Variants in MYH9 observed in about 807,000 individuals in gnomAD.
The protein encoded by MYH9 is myosin-9.
In MYH9, 29 loss-of-function variants were observed where a neutral mutation model predicts 241.9. That is an observed-to-expected ratio of 0.12 (90% CI 0.09 to 0.16). MYH9 has a LOEUF of 0.16. MYH9 is among the 10% of genes least tolerant of loss of function. The probability of loss-of-function intolerance (pLI) is 1.00; values close to 1 mark genes in which losing one functional copy is unlikely to be tolerated. For synonymous variants in MYH9, 1,047 were observed against 1,062.6 expected (o/e 0.99, Z 0.29); for missense variants, 1,803 against 2,595.5 (o/e 0.69, Z 6.63).
chr22:36,288,642 A>C lies in MYH9; in HGVS notation c.4770+85T>G. The C allele has an allele frequency of 2.0e-6, 3 of 1,530,274 alleles. No individual in the cohort carries two copies. In the South Asian group the frequency reaches 3.4e-5, roughly 17 times the overall value. The allele number at this position is 1,530,274 out of a possible 1,614,324, so 94.8% of individuals were successfully genotyped here. A position where few individuals can be genotyped will look rare whatever the true frequency, so the allele number is the denominator to read the frequency against. ...AGGCGTGGTCAAGGGGCCCTAACACAATCCAGGTGGAAGGAGAGAACAGAA... is the reference window on the plus strand; with the variant it reads ...AGGCGTGGTCAAGGGGCCCTAACACCATCCAGGTGGAAGGAGAGAACAGAA... On this transcript the variant is annotated intron_variant, in intron 33 of 40. Coordinates refer to ENST00000216181, the MANE Select transcript of MYH9 (RefSeq NM_002473.6). The surrounding 1 kb of genome is among the most constrained non-coding windows in gnomAD (Gnocchi z 4.8).
At chr22:36,316,790 G>A (rs1249891907) in intron 11 of MYH9, 121 bp from the exon 12 acceptor site, 1 of 1,133,236 alleles carries the variant, frequency 8.8e-7, no homozygotes. Flanking sequence ...CTAAGTATGT[G>A]GGGGAAAAAA....
At chr22:36,294,851 C>T in intron 27 of MYH9, 81 bp downstream of exon 27, 1 of 1,584,510 alleles carries the variant, frequency 6.3e-7, no homozygotes, top group South Asian at 1.1e-5. Context: ...CCTGCAACTG[C>T]TCTGCAGGAC....
Position 36,318,431 on chromosome 22 carries a change from A to G in MYH9, c.1109-106T>C, listed in dbSNP as rs1723707471. 8.4e-6 allele frequency: 8 copies of G among 952,798 alleles called. No homozygotes were observed. In the South Asian group the frequency reaches 9.1e-5, roughly 11 times the overall value. 59.0% of individuals were successfully genotyped at this position (952,798 alleles called of 1,614,324 possible). On this transcript the variant is annotated intron_variant, in intron 10 of 40. Coordinates refer to ENST00000216181, the MANE Select transcript of MYH9 (RefSeq NM_002473.6). ...AATAAGTCCCTCTGCTTGACTTGGG[A>G]GCAGAGAGGAAGAAAGCCACGGGGT...
chr22:36,348,835 A>AGGGGGGGGGGGGGGGGGGGGG, intron 2 of MYH9, 69 bp downstream of exon 2: 2 of 869,006 alleles, frequency 2.3e-6, no homozygotes, highest in Admixed American at 2.5e-5. Context: ...GGTGATGGGA[A>AGGGGGGGGGGGGGGGGGGGGG]GACCCGCCCC....
chr22:36,332,036 G>A (rs1434743021), intron 3 of MYH9, among the ~76,000 whole-genome samples: 3 of 152,164 alleles, frequency 2.0e-5, no homozygotes, highest in African/African-American at 2.4e-5. Flanking sequence ...CCTGCCCTGC[G>A]TTGCCAGGAT....
intron 4 of MYH9, 149 bp from the exon 5 acceptor site, chr22:36,326,810 C>T (rs1222327832): frequency 1.5e-5 from 11 of 727,536 alleles, no homozygotes; most frequent in South Asian, 7.3e-5. Flanking sequence ...GCCACATAAA[C>T]GCTCTGGAAT....
At chr22:36,314,114 G>A in intron 13 of MYH9, 31 bp downstream of exon 13, 1 of 1,606,574 alleles carries the variant, frequency 6.2e-7, no homozygotes, top group African/African-American at 1.3e-5. Flanking sequence ...GCCAGAGGCA[G>A]GTGTGAGGTC....
chr22:36,331,992 G>T (rs970551497), intron 3 of MYH9, among the ~76,000 whole-genome samples: 1 of 152,232 alleles, frequency 6.6e-6, no homozygotes, highest in African/African-American at 2.4e-5. Context: ...TGGCCCCTGG[G>T]GGGTGGCTTG....
At chr22:36,328,292 G>T (rs183232890) in intron 3 of MYH9, among the ~76,000 whole-genome samples, 1 of 152,350 alleles carries the variant, frequency 6.6e-6, no homozygotes, top group East Asian at 1.9e-4. Context: ...CCCTCCCCCA[G>T]TACAGGAGGG....
rs148258578 is a variant in MYH9, at chr22:36,294,257, G to T, written c.3672C>A (p.Asn1224Lys). 1.2e-6 allele frequency: 2 copies of T among 1,614,070 alleles called. No homozygotes were observed. The highest frequency in any genetic ancestry group is 1.7e-5 in the Admixed American group (1 of 60,034). ...NLEKAKQTLENERGELANEVK... is the reference protein window; with the variant it reads ...NLEKAKQTLEKERGELANEVK... Reference sequence around the variant, plus strand: ...CCTCGTTGGCCAGCTCCCCCCGCTCGTTCTCCAGAGTCTGCTTTGCCTTCT... The same window carrying T: ...CCTCGTTGGCCAGCTCCCCCCGCTCTTTCTCCAGAGTCTGCTTTGCCTTCT... The change falls in exon 28 of 41, where the codon AAC (asparagine) becomes AAA (lysine). Residue 1224 changes from asparagine to lysine, a missense_variant. Around this residue, in one of 11 missense-constraint regions of MYH9, gnomAD observed 876 missense variants for 1,077.8 expected, o/e 0.81. Coordinates refer to ENST00000216181, the MANE Select transcript of MYH9 (RefSeq NM_002473.6).
At chr22:36,311,001 G>C (rs907376111) in intron 14 of MYH9, among the ~76,000 whole-genome samples, 6 of 152,152 alleles carry the variant, frequency 3.9e-5, no homozygotes, top group Non-Finnish European at 8.8e-5. Flanking sequence ...AATAGAAGAG[G>C]CCGGCACAGG....
chr22:36,285,826 A>C lies in MYH9; in HGVS notation c.5150+39T>G, dbSNP rs769560047. 1.2e-6 allele frequency: 2 copies of C among 1,613,298 alleles called. No individual in the cohort carries two copies. Among genetic ancestry groups the C allele is most frequent in the Non-Finnish European group, 1.7e-6 (2 of 1,179,924 alleles). ...AGTGAGGGGCCTACCCTGGGGACAC[A>C]CCTGGTCCCCCCCAACTCTGCCCCC... On this transcript the variant is annotated intron_variant, in intron 36 of 40. Transcript: ENST00000216181. This position sits in a 1 kb window ranked among gnomAD's most constrained non-coding sequence, Gnocchi z 7.0.
chr22:36,297,905 C>T (rs2016813545), intron 24 of MYH9, among the ~76,000 whole-genome samples: 1 of 152,228 alleles, frequency 6.6e-6, no homozygotes, highest in African/African-American at 2.4e-5. Flanking sequence ...GTCCCAGCAG[C>T]AGCATATGTG....
intron 1 of MYH9, among the ~76,000 whole-genome samples, chr22:36,353,156 T>C (rs1412493720): frequency 6.6e-6 from 1 of 151,950 alleles, no homozygotes; most frequent in Non-Finnish European, 1.5e-5. Flanking sequence ...GTCAGGTTAA[T>C]ACTCAGACCT....
At chr22:36,290,635 G>A (rs950233606) in intron 31 of MYH9, among the ~76,000 whole-genome samples, 2 of 151,210 alleles carry the variant, frequency 1.3e-5, no homozygotes, top group African/African-American at 4.9e-5. Flanking sequence ...GAGCCCCTCT[G>A]CCTGGCTGCC....
Position 36,306,375 on chromosome 22 carries a change from A to T in MYH9, c.2037+39T>A, listed in dbSNP as rs1306168639. 6.2e-7 allele frequency: 1 copy of T among 1,611,992 alleles called. No homozygotes were observed. The highest frequency in any genetic ancestry group is 1.1e-5 in the South Asian group (1 of 90,898). On this transcript the variant is annotated intron_variant, in intron 16 of 40. Transcript: ENST00000216181. This position sits in a 1 kb window ranked among gnomAD's most constrained non-coding sequence, Gnocchi z 4.1. Reference sequence around the variant, plus strand: ...AGACAAGGGCTGAGCACCCCACACCACAGTGCCCTGCCCGGGCCACCCCAC... The same window carrying T: ...AGACAAGGGCTGAGCACCCCACACCTCAGTGCCCTGCCCGGGCCACCCCAC...
intron 1 of MYH9, among the ~76,000 whole-genome samples, chr22:36,366,897 A>C (rs781541561): frequency 3.4e-4 from 51 of 152,138 alleles, no homozygotes; most frequent in Middle Eastern, 3.2e-3. Context: ...TCCTGATCCT[A>C]ACGGCCCCCA....
chr22:36,362,458 A>G (rs1294523528), intron 1 of MYH9, among the ~76,000 whole-genome samples: 1 of 152,136 alleles, frequency 6.6e-6, no homozygotes, highest in Non-Finnish European at 1.5e-5. Context: ...CCACTAAGAT[A>G]CCAACTTCAG....
At position 36,305,989 on chromosome 22, in the gene MYH9, G is replaced by A. The variant is rs765520346; in HGVS notation, c.2100C>T (p.Gly700=). The A allele has an allele frequency of 6.2e-7, 1 of 1,613,524 alleles. No individual in the cohort carries two copies. The highest frequency in any genetic ancestry group is 1.1e-5 in the South Asian group (1 of 91,092). Residue 700 remains glycine (G), a synonymous_variant, in exon 17 of 41, where the codon GGC becomes GGT. Coordinates refer to ENST00000216181, the MANE Select transcript of MYH9 (RefSeq NM_002473.6). This position sits in a 1 kb window ranked among gnomAD's most constrained non-coding sequence, Gnocchi z 4.7. ...DQLRCNGVLE[G]IRICRQGFPN... is the part of the protein sequence containing the mutation. Reference sequence around the variant, plus strand: ...GGAAGCCCTGGCGGCAGATACGGATGCCCTCGAGAACACCGTTGCAGCGCA... The same window carrying A: ...GGAAGCCCTGGCGGCAGATACGGATACCCTCGAGAACACCGTTGCAGCGCA...
Sources: allele counts gnomAD v4.1 joint callset (sites outside exome capture counted in the v4.1 genomes callset), GRCh38; gene constraint gnomAD v4.1.1; regional missense constraint gnomAD v4.1.1; non-coding constraint Gnocchi (gnomAD v3.1); transcripts MANE v1.5; gene names NCBI Gene and HGNC (gene_info 2026-07-23, HGNC 2026-07-21).